Variants in MYO6 observed in about 807,000 individuals in gnomAD.
MYO6 encodes the protein myosin VI, also known as unconventional myosin-VI.
Under a neutral mutation model 178.7 loss-of-function variants are expected in MYO6, and 74 were observed. The observed-to-expected ratio is 0.41, with a 90% CI of 0.34 to 0.50. MYO6 has a LOEUF of 0.50. Ranked by LOEUF, MYO6 falls within the 20% of genes least tolerant of loss-of-function variation. MYO6 has a pLI of 0.09. For synonymous variants in MYO6, 477 were observed against 504.6 expected, an observed-to-expected ratio of 0.95 and a Z score of 0.73; for missense variants, 1,330 against 1,547.4, an observed-to-expected ratio of 0.86 and a Z score of 2.36.
Position 75,881,779 on chromosome 6 carries a change from TG to T in MYO6, c.2379del (p.Trp793Ter). 1 of 1,614,012 alleles carries T rather than the reference TG, an allele frequency of 6.2e-7. No homozygotes were observed. The highest frequency in any genetic ancestry group is 8.5e-7 in the Non-Finnish European group (1 of 1,179,894). ...RVNHWLTCSR[W>X]KKVQWCSLSV... ...CAATCACTGGCTCACATGCAGTCGC[TG>T]GAAGAAAGTTCAGTGGTGCTCACTC... On this transcript the variant is annotated frameshift_variant, in exon 23 of 35. Coordinates refer to ENST00000369977, the MANE Select transcript of MYO6 (RefSeq NM_004999.4). LOFTEE classifies it high-confidence loss of function.
chr6:75,790,547 TATTTTTAA>T (rs1351490259), intron 1 of MYO6, among the ~76,000 whole-genome samples: 2 of 151,944 alleles, frequency 1.3e-5, no homozygotes, highest in Non-Finnish European at 2.9e-5. Flanking sequence ...ACCCCTGGCT[TATTTTTAA>T]ATTTTTAGTA....
chr6:75,898,311 TTTAA>T (rs1779463214), intron 29 of MYO6, 58 bp from the exon 30 acceptor site: 4 of 1,087,124 alleles, frequency 3.7e-6, no homozygotes, highest in South Asian at 1.4e-5. Flanking sequence ...TTTTAGATCT[TTTAA>T]TTAATTTATG....
intron 1 of MYO6, among the ~76,000 whole-genome samples, chr6:75,807,181 T>G (rs919863747): frequency 2.6e-4 from 40 of 152,252 alleles, no homozygotes; most frequent in African/African-American, 9.4e-4. Context: ...GCTTTGAGTG[T>G]TGTTGAAGCC....
chr6:75,875,267 T>G (rs1379855869), intron 20 of MYO6, among the ~76,000 whole-genome samples: 2 of 152,204 alleles, frequency 1.3e-5, no homozygotes, highest in Non-Finnish European at 2.9e-5. Context: ...AAATTTTGTT[T>G]AATTAAAAAT....
intron 1 of MYO6, among the ~76,000 whole-genome samples, chr6:75,804,235 C>T (rs868185772): frequency 6.6e-6 from 1 of 152,166 alleles, no homozygotes; most frequent in South Asian, 2.1e-4. Flanking sequence ...GTTCGGGAAC[C>T]GAAATGCTTG....
chr6:75,800,720 G>C (rs1282773684), intron 1 of MYO6, among the ~76,000 whole-genome samples: 1 of 151,898 alleles, frequency 6.6e-6, no homozygotes, highest in African/African-American at 2.4e-5. Context: ...GATAGAAAAT[G>C]GGGCATTACT....
chr6:75,792,385 G>A (rs1251844605), intron 1 of MYO6, among the ~76,000 whole-genome samples: 1 of 152,116 alleles, frequency 6.6e-6, no homozygotes, highest in African/African-American at 2.4e-5. Context: ...AAGAATATAA[G>A]GTGGACTGTA....
intron 32 of MYO6, among the ~76,000 whole-genome samples, chr6:75,910,123 T>A (rs1042436323): frequency 6.6e-6 from 1 of 152,154 alleles, no homozygotes; most frequent in African/African-American, 2.4e-5. Context: ...CAGTTTCATA[T>A]TTTTCCTCTT....
At chr6:75,769,297 C>T (rs1778711350) in intron 1 of MYO6, among the ~76,000 whole-genome samples, 1 of 152,216 alleles carries the variant, frequency 6.6e-6, no homozygotes, top group Non-Finnish European at 1.5e-5. Context: ...CTCATTCCAG[C>T]AAGACCAAAG....
At chr6:75,795,522 A>G (rs76295505) in intron 1 of MYO6, among the ~76,000 whole-genome samples, 296 of 152,316 alleles carry the variant, frequency 1.9e-3, no homozygotes, top group African/African-American at 5.9e-3. Flanking sequence ...CAGGTTTTAT[A>G]GAGGATCTCA....
At chr6:75,789,685 T>C (rs1768035277) in intron 1 of MYO6, among the ~76,000 whole-genome samples, 1 of 152,228 alleles carries the variant, frequency 6.6e-6, no homozygotes, top group South Asian at 2.1e-4. Flanking sequence ...TCAGTGCTTG[T>C]ATATGTAGTA....
chr6:75,800,521 C>CA (rs1432181999), intron 1 of MYO6, among the ~76,000 whole-genome samples: 1 of 151,148 alleles, frequency 6.6e-6, no homozygotes, highest in Non-Finnish European at 1.5e-5. Context: ...GACCCTGTCT[C>CA]AAAAAAAGAA....
intron 30 of MYO6, among the ~76,000 whole-genome samples, chr6:75,900,215 T>C (rs1779641735): frequency 6.6e-6 from 1 of 152,056 alleles, no homozygotes; most frequent in South Asian, 2.1e-4. Context: ...TGTGTCTTTA[T>C]AGCAGCATGA....
At position 75,915,827 on chromosome 6, in the gene MYO6, A is replaced by G. The variant is rs1329857033; in HGVS notation, c.*815A>G. On this transcript the variant is annotated 3_prime_UTR_variant, in exon 35 of 35. Transcript: ENST00000369977. The stretch of plus-strand genomic sequence containing the variant: ...TTAGGTGGCATAGTGGCTTAACTGG[A>G]CTGAATTCAAATATTCTTTCAACTT... 1 of 152,654 alleles carries G rather than the reference A, an allele frequency of 6.6e-6. No homozygotes were observed. Among genetic ancestry groups the G allele is most frequent in the Non-Finnish European group, 1.5e-5 (1 of 68,028 alleles). 9.5% of individuals were successfully genotyped at this position (152,654 alleles called of 1,614,324 possible).
chr6:75,845,253 A>G (rs1017008873), intron 10 of MYO6, among the ~76,000 whole-genome samples: 1 of 152,160 alleles, frequency 6.6e-6, no homozygotes, highest in South Asian at 2.1e-4. Context: ...TAAATTGCCT[A>G]AGAATCATTC....
chr6:75,913,561 T>G (rs1252530178), intron 33 of MYO6, among the ~76,000 whole-genome samples: 1 of 152,236 alleles, frequency 6.6e-6, no homozygotes, highest in Non-Finnish European at 1.5e-5. Context: ...GAAAAAATTT[T>G]TATATGGCTT....
intron 7 of MYO6, among the ~76,000 whole-genome samples, chr6:75,836,162 T>G (rs1773622951): frequency 6.6e-6 from 1 of 152,188 alleles, no homozygotes; most frequent in Non-Finnish European, 1.5e-5. Context: ...AAGGCAGGGA[T>G]TTTTGTTTCA....
rs2149358961 is a variant in MYO6 at position 75,886,896 on chromosome 6, A to G, written c.2560A>G (p.Asn854Asp). The change falls in exon 25 of 35, where the codon AAT (asparagine) becomes GAT (aspartate). Residue 854 changes from asparagine (N) to aspartate (D), a missense_variant. Around this residue, in one of 3 missense-constraint regions of MYO6, gnomAD observed 601 missense variants for 626.1 expected, o/e 0.96. Transcript: ENST00000369977. ...GTLKKRLDKF[N>D]EVVSVLKDGK... is the part of the protein sequence containing the mutation. ...ACTGAAAAAACGACTTGATAAATTT[A>G]ATGAGGTAGTCAGTGTGTTGAAAGA... 1.2e-6 allele frequency: 2 copies of G among 1,613,814 alleles called. No individual in the cohort carries two copies. Among genetic ancestry groups the G allele is most frequent in the Non-Finnish European group, 8.5e-7 (1 of 1,179,844 alleles).
chr6:75,756,971 ATATAG>A (rs1215624686), intron 1 of MYO6, among the ~76,000 whole-genome samples: 1 of 25,918 alleles, frequency 3.9e-5, no homozygotes, highest in Non-Finnish European at 1.1e-4. Context: ...ATACACACAT[ATATAG>A]TGTGTATATA....
Sources: gnomAD v4.1 joint callset for allele counts (sites outside exome capture counted in the v4.1 genomes callset) on GRCh38, gnomAD v4.1.1 for gene constraint, gnomAD v4.1.1 regional missense constraint, MANE v1.5 for transcripts, NCBI Gene and HGNC (gene_info 2026-07-23, HGNC 2026-07-21) for gene names.